The following PIK3CA variants were observed in gnomAD, a reference collection of about 807,000 sequenced individuals.
PIK3CA encodes phosphatidylinositol 4,5-bisphosphate 3-kinase catalytic subunit alpha isoform.
Under a neutral mutation model 138.2 loss-of-function variants are expected in PIK3CA, and 27 were observed. The observed-to-expected ratio is 0.20, with a 90% CI of 0.14 to 0.27. The LOEUF (loss-of-function observed/expected upper bound fraction) is 0.27. Among genes scored for constraint, PIK3CA ranks in the 10% least tolerant of loss-of-function variants. The pLI, the probability that PIK3CA is intolerant of heterozygous loss-of-function variation, is 1.00. For missense variants in PIK3CA, 544 were observed against 1,277.4 expected, an observed-to-expected ratio of 0.43 and a Z score of 8.75; for synonymous variants, 358 against 413.2, an observed-to-expected ratio of 0.87 and a Z score of 1.62.
rs749931583 is a variant in PIK3CA at position 179,238,352 on chromosome 3, T to C, written c.*3988T>C. The C allele has an allele frequency of 9.3e-6, 2 of 215,388 alleles. No individual in the cohort carries two copies. The highest frequency in any genetic ancestry group is 1.9e-5 in the Non-Finnish European group (2 of 106,886). 13.3% of individuals were successfully genotyped at this position (215,388 alleles called of 1,614,324 possible). A position where few individuals can be genotyped will look rare whatever the true frequency, so the allele number is the denominator to read the frequency against. On this transcript the variant is annotated 3_prime_UTR_variant, in exon 21 of 21. Coordinates refer to ENST00000263967, the MANE Select transcript of PIK3CA (RefSeq NM_006218.4). ...ATTATTACATTAAAAATTGTAAATATATCTATGTGCCATGGCCTGGGAAGC... is the reference window on the plus strand; with the variant it reads ...ATTATTACATTAAAAATTGTAAATACATCTATGTGCCATGGCCTGGGAAGC...
intron 9 of PIK3CA, among the ~76,000 whole-genome samples, chr3:179,214,078 T>G (rs1018164454): frequency 6.6e-6 from 1 of 152,250 alleles, no homozygotes; most frequent in Non-Finnish European, 1.5e-5. Flanking sequence ...GCTGGTTTGA[T>G]CTTCTATCTA....
rs1725190144 is a variant in PIK3CA, at chr3:179,230,710, C to T, written c.2936+334C>T. Among the ~76,000 whole-genome samples the T allele has an allele frequency of 2.0e-5, 3 of 152,088 alleles. No individual in the cohort carries two copies. The highest frequency in any genetic ancestry group is 4.4e-5 in the Non-Finnish European group (3 of 68,016). On this transcript the variant is annotated intron_variant, in intron 20 of 20. Transcript: ENST00000263967. This position sits in a 1 kb window ranked among gnomAD's most constrained non-coding sequence, Gnocchi z 5.4. ...TTGAGGTTGCAGTGAGCCATTATCA[C>T]GCCACTGTACTCCAACCTGGGCAAC...
In PIK3CA at chr3:179,224,686, T is replaced by C. The variant is rs1478926179; in HGVS notation, c.2295-14T>C. The C allele has an allele frequency of 7.7e-6, 12 of 1,549,870 alleles. No homozygotes were observed. Among genetic ancestry groups the C allele is most frequent in the Non-Finnish European group, 1.1e-5 (12 of 1,141,810 alleles). On this transcript the variant is annotated splice_polypyrimidine_tract_variant and intron_variant, in intron 15 of 20. Transcript: ENST00000263967. ...AAGCAAAGGTACCTAGTAAAGTTTT[T>C]AACTATTTTAAAGGCTTGAAGAGTG...
At position 179,230,274 on chromosome 3, in the gene PIK3CA, T is replaced by C. The variant is rs2108424961; in HGVS notation, c.2834T>C (p.Phe945Ser). The change falls in exon 20 of 21, where the codon TTT becomes TCT. Residue 945 changes from phenylalanine to serine, a missense_variant. By Grantham distance (155) the Phe-to-Ser change is radical. This residue lies in a region of PIK3CA where 72 missense variants were observed against 271.8 expected (regional missense o/e 0.26). Coordinates refer to ENST00000263967, the MANE Select transcript of PIK3CA (RefSeq NM_006218.4). This position sits in a 1 kb window ranked among gnomAD's most constrained non-coding sequence, Gnocchi z 5.4. ...GHFLDHKKKK[F>S]GYKRERVPFV... ...TTTTTGGATCACAAGAAGAAAAAAT[T>C]TGGTTATAAACGAGAACGTGTGCCA... 1 of 1,610,810 alleles carries C rather than the reference T, an allele frequency of 6.2e-7. No homozygotes were observed.
intron 1 of PIK3CA, among the ~76,000 whole-genome samples, chr3:179,178,537 A>G (rs1007630398): frequency 3.9e-5 from 6 of 152,176 alleles, no homozygotes; most frequent in Non-Finnish European, 7.4e-5. Context: ...ATATAGACCA[A>G]CTGGAATTCT....
intron 10 of PIK3CA, 104 bp downstream of exon 10, chr3:179,218,438 ATAAAG>A (rs1204182885): frequency 2.8e-5 from 23 of 813,034 alleles, no homozygotes; most frequent in Non-Finnish European, 5.6e-6. Context: ...ATTGGAATAA[ATAAAG>A]CAGAATTTAC....
rs952451182 is a variant in PIK3CA at position 179,237,286 on chromosome 3, C to T, written c.*2922C>T. 3 of 194,680 alleles carry T rather than the reference C, an allele frequency of 1.5e-5. No individual in the cohort carries two copies. The highest frequency in any genetic ancestry group is 6.9e-5 in the African/African-American group (3 of 43,204). 12.1% of individuals were successfully genotyped at this position (194,680 alleles called of 1,614,324 possible). On this transcript the variant is annotated 3_prime_UTR_variant, in exon 21 of 21. Transcript: ENST00000263967. ...TTGCTATTTTACAATAGAACCTAAGCTTTTTGTGGTTCTTAGTGTCCTATG... is the reference window on the plus strand; with the variant it reads ...TTGCTATTTTACAATAGAACCTAAGTTTTTTGTGGTTCTTAGTGTCCTATG...
At chr3:179,190,642 CT>C (rs1724109521) in intron 1 of PIK3CA, among the ~76,000 whole-genome samples, 1 of 140,924 alleles carries the variant, frequency 7.1e-6, no homozygotes, top group African/African-American at 2.5e-5. Flanking sequence ...CTTTTTTTTT[CT>C]CTCTCTCTCT....
chr3:179,209,472 C>A, intron 6 of PIK3CA, 123 bp from the exon 7 acceptor site: 1 of 526,236 alleles, frequency 1.9e-6, no homozygotes. Flanking sequence ...GTGCCTTTTC[C>A]AATCAATCTC....
intron 1 of PIK3CA, among the ~76,000 whole-genome samples, chr3:179,186,953 A>G (rs188891677): frequency 6.6e-6 from 1 of 152,312 alleles, no homozygotes; most frequent in East Asian, 1.9e-4. Context: ...TGAAATGGAT[A>G]TACAGCTGGC....
rs1724473080 is a variant in PIK3CA, at chr3:179,203,464, T to C, written c.814-80T>C. ...TTTTTATCACCTTTGCAGATTAATA[T>C]GTAGTCATAATACTCTGACATGTTA... On this transcript the variant is annotated intron_variant, in intron 4 of 20. Transcript: ENST00000263967. 2.7e-6 allele frequency: 3 copies of C among 1,109,766 alleles called. No individual in the cohort carries two copies. In the African/African-American group the frequency reaches 6.1e-5, roughly 23 times the overall value. The allele number at this position is 1,109,766 out of a possible 1,614,324, so 68.7% of individuals were successfully genotyped here.
chr3:179,221,214 T>C, intron 14 of PIK3CA, 57 bp downstream of exon 14: 1 of 1,272,854 alleles, frequency 7.9e-7, no homozygotes, highest in Non-Finnish European at 1.1e-6. Context: ...GCAGAGTTGT[T>C]TAGAAGCCCA....
At position 179,190,393 on chromosome 3, in the gene PIK3CA, T is replaced by G. The variant is rs572131446; in HGVS notation, c.-76-8357T>G. On this transcript the variant is annotated intron_variant, in intron 1 of 20. Coordinates refer to ENST00000263967, the MANE Select transcript of PIK3CA (RefSeq NM_006218.4). Reference sequence around the variant, plus strand: ...AGGTCAAACATGACTACAGATAATTTTAATGAGTATGTTGAGGTACAGTTA... The same window carrying G: ...AGGTCAAACATGACTACAGATAATTGTAATGAGTATGTTGAGGTACAGTTA... 3.3e-5 allele frequency among the ~76,000 whole-genome samples: 5 copies of G among 151,402 alleles called. No homozygotes were observed. The East Asian group carries it at 9.7e-4, about 29-fold the overall frequency.
chr3:179,154,519 G>A (rs1723086104), intron 1 of PIK3CA, among the ~76,000 whole-genome samples: 1 of 152,116 alleles, frequency 6.6e-6, no homozygotes, highest in South Asian at 2.1e-4. Flanking sequence ...CTGCTCCCTG[G>A]TGCCAAAAAA....
intron 4 of PIK3CA, among the ~76,000 whole-genome samples, chr3:179,202,728 G>A (rs1724447536): frequency 6.6e-6 from 1 of 152,074 alleles, no homozygotes; most frequent in Non-Finnish European, 1.5e-5. Flanking sequence ...TATCCATAAT[G>A]TTACTGGTCT....
chr3:179,204,372 A>G (rs1441913211), intron 5 of PIK3CA, 131 bp from the exon 6 acceptor site: 4 of 508,382 alleles, frequency 7.9e-6, no homozygotes, highest in Admixed American at 3.1e-5. Flanking sequence ...AACGTGTTAC[A>G]TATGTGAAAA....
chr3:179,220,254 T>G lies in PIK3CA; in HGVS notation c.2015+202T>G, dbSNP rs1387160357. On this transcript the variant is annotated intron_variant, in intron 13 of 20. Transcript: ENST00000263967. The surrounding 1 kb of genome is among the most constrained non-coding windows in gnomAD (Gnocchi z 4.1). ...AAAAGCAGTAAATTCAAAACTAAAT[T>G]TTAGTCATGAATGAGAGCTTAAATA... 1.3e-5 allele frequency among the ~76,000 whole-genome samples: 2 copies of G among 152,146 alleles called. No individual in the cohort carries two copies. The highest frequency in any genetic ancestry group is 4.8e-5 in the African/African-American group (2 of 41,462).
At chr3:179,149,148 C>T (rs1576908292) in intron 1 of PIK3CA, among the ~76,000 whole-genome samples, 1 of 152,188 alleles carries the variant, frequency 6.6e-6, no homozygotes, top group Non-Finnish European at 1.5e-5. Flanking sequence ...ACACCGCTCC[C>T]CTCACCCCCG....
Position 179,230,205 on chromosome 3 carries a change from T to C in PIK3CA, c.2785-20T>C. 1 of 1,588,166 alleles carries C rather than the reference T, an allele frequency of 6.3e-7. No individual in the cohort carries two copies. Among genetic ancestry groups the C allele is most frequent in the East Asian group, 2.2e-5 (1 of 44,670 alleles). On this transcript the variant is annotated intron_variant, in intron 19 of 20. Coordinates refer to ENST00000263967, the MANE Select transcript of PIK3CA (RefSeq NM_006218.4). The surrounding 1 kb of genome is among the most constrained non-coding windows in gnomAD (Gnocchi z 5.4). The stretch of plus-strand genomic sequence containing the variant: ...TATCTGCATATATCAAACTATAACA[T>C]AATTTCTTATTTTTGAAAGCTGTTT...
Sources: allele counts gnomAD v4.1 joint callset (sites outside exome capture counted in the v4.1 genomes callset), GRCh38; gene constraint gnomAD v4.1.1; regional missense constraint gnomAD v4.1.1; non-coding constraint Gnocchi (gnomAD v3.1); transcripts MANE v1.5; gene names NCBI Gene and HGNC (gene_info 2026-07-23, HGNC 2026-07-21).